Variants in GALK2 observed in about 807,000 individuals in gnomAD.
GALK2 encodes galactokinase 2.
In GALK2, 36 loss-of-function variants were observed where a neutral mutation model predicts 52.4. The observed-to-expected ratio is 0.69, with a 90% confidence interval of 0.53 to 0.91. The LOEUF (loss-of-function observed/expected upper bound fraction) is 0.91. GALK2 is among the 40% of genes least tolerant of loss of function. GALK2 has a pLI of 0.00. For synonymous variants in GALK2, 176 were observed against 199.1 expected (o/e 0.88, Z 0.98); for missense variants, 579 against 559.1 (o/e 1.04, Z -0.36).
chr15:49,320,652 T>G (rs1483873577), intron 9 of GALK2, among the ~76,000 whole-genome samples: 1 of 152,240 alleles, frequency 6.6e-6, no homozygotes, highest in Admixed American at 6.5e-5. Flanking sequence ...CTGAAAAGTT[T>G]AAACCAAGTA....
At chr15:49,327,909 T>G (rs754537910) in intron 9 of GALK2, 43 bp from the exon 10 acceptor site, 8 of 1,566,862 alleles carry the variant, frequency 5.1e-6, no homozygotes, top group African/African-American at 1.4e-5. Context: ...ATCCCTTGTA[T>G]TTTCATTTAT....
rs2037886859 is a variant in GALK2 at position 49,328,330 on chromosome 15, A to T, written c.*171A>T. On this transcript the variant is annotated 3_prime_UTR_variant, in exon 10 of 10. Coordinates refer to ENST00000560031, the MANE Select transcript of GALK2 (RefSeq NM_002044.4). ...TGAAAGCTCTCTATGCTTCATAATG[A>T]TTCTTTTTCCATCTTAAAATATGGT... is the stretch of plus-strand genomic sequence containing the variant. 2.8e-6 allele frequency: 4 copies of T among 1,431,346 alleles called. No individual in the cohort carries two copies. In the East Asian group the frequency reaches 1.0e-4, roughly 36 times the overall value. 88.7% of individuals were successfully genotyped at this position (1,431,346 alleles called of 1,614,324 possible). A position where few individuals can be genotyped will look rare whatever the true frequency, so the allele number is the denominator to read the frequency against.
At chr15:49,160,949 T>C (rs2084633223) in intron 1 of GALK2, among the ~76,000 whole-genome samples, 1 of 152,188 alleles carries the variant, frequency 6.6e-6, no homozygotes, top group African/African-American at 2.4e-5. Context: ...TACTTTTAAT[T>C]GTTCAAAAGA....
At chr15:49,358,116 C>T (rs1048093941) in intron 3 of GALK2, among the ~76,000 whole-genome samples, 11 of 151,700 alleles carry the variant, frequency 7.3e-5, no homozygotes, top group African/African-American at 2.7e-4. Context: ...CTATGACAAA[C>T]CCACAGCCAA....
chr15:49,260,855 T>C (rs1233432944), intron 5 of GALK2, among the ~76,000 whole-genome samples: 1 of 152,188 alleles, frequency 6.6e-6, no homozygotes, highest in East Asian at 1.9e-4. Flanking sequence ...TTTCTCAGGT[T>C]TGTCAAATAT....
At chr15:49,363,780 T>G (rs2044655967) in intron 3 of GALK2, among the ~76,000 whole-genome samples, 2 of 152,162 alleles carry the variant, frequency 1.3e-5, no homozygotes, top group African/African-American at 4.8e-5. Context: ...TATTTTGAAG[T>G]ATGTTCCTTC....
chr15:49,317,137 G>T (rs1377683725), intron 8 of GALK2, among the ~76,000 whole-genome samples: 2 of 152,200 alleles, frequency 1.3e-5, no homozygotes, highest in East Asian at 3.8e-4. Flanking sequence ...GGAGTATCCT[G>T]AGAAGTGATT....
intron 1 of GALK2, among the ~76,000 whole-genome samples, chr15:49,178,016 A>C (rs1384275462): frequency 6.6e-6 from 1 of 150,900 alleles, no homozygotes; most frequent in Admixed American, 6.6e-5. Flanking sequence ...CAAAATTACA[A>C]AAATTAGCTG....
intron 8 of GALK2, among the ~76,000 whole-genome samples, chr15:49,310,352 T>TACA (rs2035888704): frequency 6.6e-6 from 1 of 152,200 alleles, no homozygotes; most frequent in Non-Finnish European, 1.5e-5. Flanking sequence ...AAACATGGGG[T>TACA]ACAGATAGCC....
intron 3 of GALK2, among the ~76,000 whole-genome samples, chr15:49,227,169 G>C (rs1050035578): frequency 1.3e-5 from 2 of 152,156 alleles, no homozygotes; most frequent in Non-Finnish European, 2.9e-5. Context: ...TCTAAATCCA[G>C]TGTTTCTTTT....
chr15:49,183,794 G>C (rs1046679440), intron 1 of GALK2, among the ~76,000 whole-genome samples: 7 of 147,828 alleles, frequency 4.7e-5, no homozygotes, highest in Non-Finnish European at 8.9e-5. Context: ...GGTGAGCCAA[G>C]ATCACACCAT....
intron 3 of GALK2, among the ~76,000 whole-genome samples, chr15:49,346,325 A>G (rs1320564345): frequency 6.6e-6 from 1 of 152,162 alleles, no homozygotes; most frequent in Non-Finnish European, 1.5e-5. Flanking sequence ...TTTTCTATAC[A>G]TATGTCCTAC....
chr15:49,247,701 G>C lies in GALK2; in HGVS notation c.504+8334G>C, dbSNP rs967718901. Reference sequence around the variant, plus strand: ...GAAAGGCTGGGAAACAAAGCACTGGGAGGGGCCCAAGGGCATTTCAGGCAG... The same window carrying C: ...GAAAGGCTGGGAAACAAAGCACTGGCAGGGGCCCAAGGGCATTTCAGGCAG... On this transcript the variant is annotated intron_variant, in intron 5 of 9. Transcript: ENST00000560031. Among the ~76,000 whole-genome samples the C allele has an allele frequency of 2.0e-5, 3 of 152,214 alleles. No homozygotes were observed. The East Asian group carries it at 5.8e-4, about 29-fold the overall frequency.
intron 1 of GALK2, among the ~76,000 whole-genome samples, chr15:49,196,710 A>T (rs1250827570): frequency 6.6e-6 from 1 of 152,194 alleles, no homozygotes; most frequent in Non-Finnish European, 1.5e-5. Flanking sequence ...CTTATTATTA[A>T]TGTATTTCTA....
chr15:49,176,413 G>A (rs1253683821), intron 1 of GALK2, among the ~76,000 whole-genome samples: 1 of 152,136 alleles, frequency 6.6e-6, no homozygotes, highest in African/African-American at 2.4e-5. Context: ...CTATGTTCCT[G>A]GGTTGCAATC....
chr15:49,235,776 TG>T, intron 3 of GALK2, 74 bp from the exon 4 acceptor site: 1 of 932,160 alleles, frequency 1.1e-6, no homozygotes, highest in Non-Finnish European at 1.8e-6. Context: ...TGGCACAAGA[TG>T]GCAGCAGTCA....
Position 49,329,377 on chromosome 15 carries a change from T to C in GALK2, c.*1218T>C. 2.0e-6 allele frequency: 2 copies of C among 985,336 alleles called. No homozygotes were observed. Among genetic ancestry groups the C allele is most frequent in the Non-Finnish European group, 2.4e-6 (2 of 829,868 alleles). The allele number at this position is 985,336 out of a possible 1,614,324, so 61.0% of individuals were successfully genotyped here. On this transcript the variant is annotated 3_prime_UTR_variant, in exon 10 of 10. Transcript: ENST00000560031. ...GTATTTTGCTGAAATACTCAGGTAA[T>C]TGAGATAGCAATGGTTTTATGGCAT...
intron 3 of GALK2, among the ~76,000 whole-genome samples, chr15:49,367,016 T>A (rs2045333573): frequency 6.6e-6 from 1 of 152,190 alleles, no homozygotes; most frequent in African/African-American, 2.4e-5. Flanking sequence ...AAAATAAATT[T>A]TTTAATGTGT....
rs2084700301 is a variant in GALK2 at position 49,162,898 on chromosome 15, A to T, written c.20+6882A>T. ...TCAAATAAGCCTTTGTGAGACCTTA[A>T]AACAGGATGGAAAATTGTGAGATAA... On this transcript the variant is annotated intron_variant, in intron 1 of 9. Transcript: ENST00000327171. 2.0e-5 allele frequency among the ~76,000 whole-genome samples: 3 copies of T among 152,240 alleles called. No individual in the cohort carries two copies. The South Asian group carries it at 6.2e-4, about 31-fold the overall frequency.
Sources: allele counts gnomAD v4.1 joint callset (sites outside exome capture counted in the v4.1 genomes callset), GRCh38; gene constraint gnomAD v4.1.1; transcripts MANE v1.5; gene names NCBI Gene and HGNC (gene_info 2026-07-23, HGNC 2026-07-21).